The following FNDC1 variants were observed in gnomAD, a reference collection of about 807,000 sequenced individuals.
FNDC1 encodes fibronectin type III domain-containing protein 1.
FNDC1 carries 96 observed loss-of-function variants against 168.0 expected under a neutral mutation model. The ratio of observed to expected loss-of-function variants is 0.57; its 90% CI spans 0.48 to 0.68. FNDC1 has a LOEUF of 0.68. FNDC1 is among the 30% of genes least tolerant of loss of function. FNDC1 has a pLI of 0.00. For missense variants in FNDC1, 2,587 were observed against 2,482.1 expected, an observed-to-expected ratio of 1.04 and a Z score of -0.90; for synonymous variants, 1,099 against 1,025.9, an observed-to-expected ratio of 1.07 and a Z score of -1.36.
chr6:159,185,778 T>G (rs1028632429), intron 1 of FNDC1, among the ~76,000 whole-genome samples: 3 of 152,220 alleles, frequency 2.0e-5, no homozygotes, highest in Admixed American at 6.5e-5. Context: ...TGGCTAGAGT[T>G]GATCATATGG....
At chr6:159,223,688 G>A in intron 7 of FNDC1, 43 bp downstream of exon 7, 1 of 1,222,292 alleles carries the variant, frequency 8.2e-7, no homozygotes, top group Middle Eastern at 1.9e-4. Context: ...GAGAGATGGG[G>A]TTTTTCTGGC....
At chr6:159,176,428 C>G (rs1583847642) in intron 1 of FNDC1, among the ~76,000 whole-genome samples, 1 of 152,164 alleles carries the variant, frequency 6.6e-6, no homozygotes, top group East Asian at 1.9e-4. Context: ...AGAGGTAGCA[C>G]AGGTGTTTTG....
chr6:159,233,358 C>G lies in FNDC1; in HGVS notation c.2846C>G (p.Ala949Gly). 1 of 1,613,934 alleles carries G rather than the reference C, an allele frequency of 6.2e-7. No homozygotes were observed. Among genetic ancestry groups the G allele is most frequent in the Non-Finnish European group, 8.5e-7 (1 of 1,179,854 alleles). Residue 949 changes from alanine (A) to glycine (G), a missense_variant, in exon 11 of 23, where the codon GCT becomes GGT. Ala to Gly is a moderately conservative substitution (Grantham distance 60, BLOSUM62 0). Coordinates refer to ENST00000297267, the MANE Select transcript of FNDC1 (RefSeq NM_032532.3). This position sits in a 1 kb window ranked among gnomAD's most constrained non-coding sequence, Gnocchi z 4.6. ...QGKYSSLASK[A>G]QDVQQSTDAD... is the part of the protein sequence containing the mutation. Reference sequence around the variant, plus strand: ...AAGTACTCCTCCCTGGCCTCCAAGGCTCAGGATGTTCAACAGAGCACAGAC... The same window carrying G: ...AAGTACTCCTCCCTGGCCTCCAAGGGTCAGGATGTTCAACAGAGCACAGAC...
chr6:159,248,351 G>T (rs1583909716), intron 15 of FNDC1, among the ~76,000 whole-genome samples: 2 of 151,992 alleles, frequency 1.3e-5, no homozygotes, highest in African/African-American at 4.8e-5. Context: ...CTGTCTCCAG[G>T]CTGGAGTGCG....
In FNDC1 at chr6:159,269,284, C is replaced by CCA. The variant is rs1474066769; in HGVS notation, c.5569+1358_5569+1359insCA. ...TCTATCTATCTATCTATCTATCTAT[C>CCA]TATCTATCCATCCATCCATCTATCC... On this transcript the variant is annotated intron_variant, in intron 22 of 22. Transcript: ENST00000297267. 5.2e-3 allele frequency among the ~76,000 whole-genome samples: 224 copies of CCA among 42,724 alleles called. 22 individuals are homozygous for CCA. The highest frequency in any genetic ancestry group is 0.04 in the Middle Eastern group (2 of 50). The allele number at this position is 42,724 out of a possible 152,430, so 28.0% of individuals were successfully genotyped here.
At chr6:159,251,943 CGCTGG>C (rs1274855320) in intron 17 of FNDC1, among the ~76,000 whole-genome samples, 1 of 152,174 alleles carries the variant, frequency 6.6e-6, no homozygotes, top group African/African-American at 2.4e-5. Context: ...CATAAGCTCC[CGCTGG>C]GCCACACATT....
chr6:159,206,666 C>T (rs1266947892), intron 4 of FNDC1, among the ~76,000 whole-genome samples: 1 of 152,200 alleles, frequency 6.6e-6, no homozygotes, highest in Non-Finnish European at 1.5e-5. Flanking sequence ...TCTGGGCAAG[C>T]CCGTTTGTTG....
chr6:159,185,822 G>GTTT (rs1781984467), intron 1 of FNDC1, among the ~76,000 whole-genome samples: 1 of 152,220 alleles, frequency 6.6e-6, no homozygotes, highest in Non-Finnish European at 1.5e-5. Context: ...GAAAAGTCAT[G>GTTT]ACTGAATGTT....
At chr6:159,199,411 A>G (rs1782324955) in intron 2 of FNDC1, among the ~76,000 whole-genome samples, 1 of 152,092 alleles carries the variant, frequency 6.6e-6, no homozygotes, top group Non-Finnish European at 1.5e-5. Flanking sequence ...GGATATATAT[A>G]TTTTTCTAGC....
At chr6:159,211,664 G>A (rs1782609204) in intron 4 of FNDC1, among the ~76,000 whole-genome samples, 1 of 152,116 alleles carries the variant, frequency 6.6e-6, no homozygotes, top group Non-Finnish European at 1.5e-5. Context: ...CTCAGGTAGT[G>A]AATCTAGTAA....
chr6:159,225,685 A>G lies in FNDC1; in HGVS notation c.1035A>G (p.Lys345=). The G allele has an allele frequency of 6.2e-7, 1 of 1,613,736 alleles. No homozygotes were observed. The highest frequency in any genetic ancestry group is 8.5e-7 in the Non-Finnish European group (1 of 1,179,702). ...TTTCACAGGGTGAAAGAGATGGCAA[A>G]TGGAGTACGTCAGTCTTCCAAAGAA... is the stretch of plus-strand genomic sequence containing the variant. ...VRISQGERDG[K]WSTSVFQRTP... is the part of the protein sequence containing the mutation. The change falls in exon 8 of 23, where the codon AAA becomes AAG. Residue 345 remains lysine (K), a synonymous_variant. Transcript: ENST00000297267.
chr6:159,224,683 G>A (rs975779784), intron 7 of FNDC1, among the ~76,000 whole-genome samples: 3 of 152,152 alleles, frequency 2.0e-5, no homozygotes, highest in Admixed American at 2.0e-4. Flanking sequence ...ACCAGAGAAG[G>A]CTTGAGTTTT....
chr6:159,245,465 G>A (rs1783519991), intron 14 of FNDC1, among the ~76,000 whole-genome samples: 1 of 152,116 alleles, frequency 6.6e-6, no homozygotes, highest in Non-Finnish European at 1.5e-5. Context: ...CAGGTCAAAG[G>A]GAGGAAAGGA....
At chr6:159,208,273 T>C (rs2114959093) in intron 4 of FNDC1, among the ~76,000 whole-genome samples, 1 of 152,246 alleles carries the variant, frequency 6.6e-6, no homozygotes, top group East Asian at 1.9e-4. Context: ...ATCAGAATCA[T>C]AAGATGGCTG....
intron 21 of FNDC1, 74 bp downstream of exon 21, chr6:159,266,319 A>G: frequency 1.3e-6 from 2 of 1,481,734 alleles, no homozygotes; most frequent in Non-Finnish European, 1.9e-6. Flanking sequence ...TTGGCACCAC[A>G]GGTGCATCGG....
intron 4 of FNDC1, among the ~76,000 whole-genome samples, chr6:159,214,325 T>G (rs1182988573): frequency 2.6e-5 from 4 of 152,204 alleles, no homozygotes; most frequent in Non-Finnish European, 5.9e-5. Context: ...ATTAACTGGC[T>G]TAGCAAGAGA....
In FNDC1 at chr6:159,256,533, T is replaced by C. The variant is rs1274479285; in HGVS notation, c.5076T>C (p.Val1692=). ...TGTTTCCATTTTCAGGTTACTTGGT[T>C]TACAGTGCATCCTATGAAGACTTCA... ...TPGDVVTGYL[V]YSASYEDFIR... Residue 1692 remains valine (V), a synonymous_variant, in exon 18 of 23, where the codon GTT becomes GTC. Transcript: ENST00000297267. 6.2e-7 allele frequency: 1 copy of C among 1,612,926 alleles called. No homozygotes were observed. The highest frequency in any genetic ancestry group is 8.5e-7 in the Non-Finnish European group (1 of 1,179,306).
At chr6:159,201,304 G>A (rs902599204) in intron 4 of FNDC1, among the ~76,000 whole-genome samples, 3 of 152,196 alleles carry the variant, frequency 2.0e-5, no homozygotes, top group African/African-American at 7.2e-5. Context: ...CTTGTTGACA[G>A]GAAGGTGAGT....
intron 22 of FNDC1, among the ~76,000 whole-genome samples, chr6:159,268,865 C>T (rs901906979): frequency 7.2e-6 from 1 of 139,084 alleles, no homozygotes; most frequent in African/African-American, 2.7e-5. Flanking sequence ...TCTATCTATC[C>T]ATACTGTCTA....
Sources: allele counts gnomAD v4.1 joint callset (sites outside exome capture counted in the v4.1 genomes callset), GRCh38; gene constraint gnomAD v4.1.1; non-coding constraint Gnocchi (gnomAD v3.1); transcripts MANE v1.5; gene names NCBI Gene and HGNC (gene_info 2026-07-23, HGNC 2026-07-21).